AFAP1: variants seen among roughly 807,000 people sequenced by gnomAD.
The protein encoded by AFAP1 is actin filament associated protein 1.
In AFAP1, 75 loss-of-function variants were observed where a neutral mutation model predicts 93.9. That is an observed-to-expected ratio of 0.80 (90% confidence interval 0.66 to 0.97). The LOEUF (loss-of-function observed/expected upper bound fraction) is 0.97, where lower values mean the gene tolerates loss of function less well. Ranked by LOEUF, AFAP1 falls within the 50% of genes least tolerant of loss-of-function variation. AFAP1 has a pLI of 0.00. For missense variants in AFAP1, 1,201 were observed against 1,050.8 expected (o/e 1.14, Z -1.98); for synonymous variants, 517 against 430.7 (o/e 1.20, Z -2.48).
intron 1 of AFAP1, among the ~76,000 whole-genome samples, chr4:7,922,793 G>T (rs1720509010): frequency 6.6e-6 from 1 of 152,104 alleles, no homozygotes; most frequent in Non-Finnish European, 1.5e-5. Context: ...AAACCACTCT[G>T]GACAACACAG....
rs146133759 is a variant in AFAP1 at position 7,818,483 on chromosome 4, G to A, written c.822+593C>T. On this transcript the variant is annotated intron_variant, in intron 7 of 17. Coordinates refer to ENST00000420658, the MANE Select transcript of AFAP1 (RefSeq NM_001134647.2). ...CAGGGACACAAGCTGCCAACAGAAG[G>A]TTTCATGGCAGGAAGCCAGGGGTCT... is the stretch of plus-strand genomic sequence containing the variant. 1.6e-3 allele frequency among the ~76,000 whole-genome samples: 251 copies of A among 152,304 alleles called. 1 individual carries two copies. Among genetic ancestry groups the A allele is most frequent in the Non-Finnish European group, 5.7e-4 (39 of 68,030 alleles).
chr4:7,884,585 GA>G (rs1309975280), intron 1 of AFAP1, among the ~76,000 whole-genome samples: 1 of 152,092 alleles, frequency 6.6e-6, no homozygotes, highest in Non-Finnish European at 1.5e-5. Context: ...AGAAATATAA[GA>G]AAAATTGTCA....
intron 17 of AFAP1, among the ~76,000 whole-genome samples, chr4:7,766,681 G>A (rs777650593): frequency 1.6e-4 from 25 of 152,106 alleles, no homozygotes; most frequent in Non-Finnish European, 3.4e-4. Context: ...GCAGGGGCAC[G>A]AAACCTGGAG....
chr4:7,800,435 A>G lies in AFAP1; in HGVS notation c.1266+7T>C. 1 of 1,613,928 alleles carries G rather than the reference A, an allele frequency of 6.2e-7. No individual in the cohort carries two copies. The highest frequency in any genetic ancestry group is 8.5e-7 in the Non-Finnish European group (1 of 1,179,962). ...CTGTGGAGTACAGCCCCTGGGAAAT[A>G]TCCTACCTCCAATACTGCAACCTCC... On this transcript the variant is annotated splice_region_variant and intron_variant, in intron 10 of 17. Transcript: ENST00000420658.
intron 5 of AFAP1, among the ~76,000 whole-genome samples, chr4:7,841,895 T>A (rs769712083): frequency 8.5e-6 from 1 of 117,130 alleles, no homozygotes; most frequent in African/African-American, 3.3e-5. Context: ...AGTTAGGGGG[T>A]GAGGGAGAGG....
At chr4:7,855,108 T>C (rs1714898336) in intron 4 of AFAP1, among the ~76,000 whole-genome samples, 1 of 152,232 alleles carries the variant, frequency 6.6e-6, no homozygotes, top group East Asian at 1.9e-4. Context: ...CGTGGCAGAA[T>C]GGGTGCAGCC....
In AFAP1 at chr4:7,848,617, G is replaced by A. The variant is rs145971718; in HGVS notation, c.335-5267C>T. On this transcript the variant is annotated intron_variant, in intron 4 of 17. Coordinates refer to ENST00000420658, the MANE Select transcript of AFAP1 (RefSeq NM_001134647.2). The stretch of plus-strand genomic sequence containing the variant: ...GTTCTCTCTGGGCCTCCAGCCTATC[G>A]GATGGTACTGCCTACACTGAGGGTG... Among the ~76,000 whole-genome samples the A allele has an allele frequency of 3.4e-3, 515 of 152,244 alleles. 4 individuals are homozygous for A. The highest frequency in any genetic ancestry group is 4.2e-3 in the Non-Finnish European group (288 of 68,014).
chr4:7,800,741 G>A (rs1577225830), intron 9 of AFAP1, 88 bp from the exon 10 acceptor site: 1 of 1,291,006 alleles, frequency 7.7e-7, no homozygotes, highest in East Asian at 2.3e-5. Context: ...GAGGCCCAGG[G>A]ATGGGAGTGT....
At chr4:7,838,823 G>C in intron 5 of AFAP1, 120 bp from the exon 6 acceptor site, 10 of 1,008,896 alleles carry the variant, frequency 9.9e-6, no homozygotes, top group Non-Finnish European at 1.3e-5. Context: ...TGAATCTGCA[G>C]ATGAGCAGGT....
chr4:7,906,792 G>A (rs1023574603), intron 1 of AFAP1, among the ~76,000 whole-genome samples: 2 of 152,296 alleles, frequency 1.3e-5, no homozygotes, highest in East Asian at 1.9e-4. Context: ...AAGCCAAGGC[G>A]GGTGGATCAC....
chr4:7,919,633 AT>A (rs566988694), intron 1 of AFAP1, among the ~76,000 whole-genome samples: 1 of 151,150 alleles, frequency 6.6e-6, no homozygotes, highest in African/African-American at 2.4e-5. Context: ...TTAGTCTTTT[AT>A]TTTTTTTTAA....
At chr4:7,808,626 G>A (rs1719739298) in intron 9 of AFAP1, among the ~76,000 whole-genome samples, 2 of 152,170 alleles carry the variant, frequency 1.3e-5, no homozygotes, top group South Asian at 2.1e-4. Flanking sequence ...TCGGTCATTG[G>A]TATAGTTTGG....
chr4:7,821,109 A>G (rs1720935210), intron 6 of AFAP1, among the ~76,000 whole-genome samples: 2 of 152,018 alleles, frequency 1.3e-5, no homozygotes, highest in African/African-American at 2.4e-5. Flanking sequence ...CAAGAGTGAA[A>G]CTCCATCTCC....
Position 7,909,945 on chromosome 4 carries a change from G to A in AFAP1, c.-3+29711C>T, listed in dbSNP as rs191594068. 3.3e-5 allele frequency among the ~76,000 whole-genome samples: 5 copies of A among 152,204 alleles called. No homozygotes were observed. In the East Asian group the frequency reaches 5.8e-4, roughly 18 times the overall value. The stretch of plus-strand genomic sequence containing the variant: ...ATTGAGATGCTAAGCACTACGAATC[G>A]GGCTAAAACAAATCAGGCTCCACTC... On this transcript the variant is annotated intron_variant, in intron 1 of 17. Transcript: ENST00000420658.
At chr4:7,863,432 C>T (rs554619275) in intron 3 of AFAP1, among the ~76,000 whole-genome samples, 15 of 151,902 alleles carry the variant, frequency 9.9e-5, no homozygotes, top group South Asian at 4.2e-4. Context: ...AACGAAAGAA[C>T]GAAAGAAAGA....
chr4:7,823,236 G>A (rs959848619), intron 6 of AFAP1, among the ~76,000 whole-genome samples: 1 of 151,832 alleles, frequency 6.6e-6, no homozygotes, highest in Non-Finnish European at 1.5e-5. Context: ...CTTCGAAACA[G>A]CAACCAAAAG....
At chr4:7,901,806 A>AT (rs972523521) in intron 1 of AFAP1, among the ~76,000 whole-genome samples, 2 of 152,146 alleles carry the variant, frequency 1.3e-5, no homozygotes, top group African/African-American at 4.8e-5. Flanking sequence ...CTCAGACACA[A>AT]TTTTTTAAAA....
At chr4:7,931,221 G>T (rs1011740428) in intron 1 of AFAP1, among the ~76,000 whole-genome samples, 1 of 152,168 alleles carries the variant, frequency 6.6e-6, no homozygotes, top group Non-Finnish European at 1.5e-5. Context: ...AAGGAACAGG[G>T]ATCAGGGTGG....
intron 16 of AFAP1, among the ~76,000 whole-genome samples, chr4:7,769,310 G>A (rs1367920397): frequency 1.3e-5 from 2 of 152,136 alleles, no homozygotes; most frequent in African/African-American, 4.8e-5. Context: ...TTCAAAGCTG[G>A]GCTCTTGCAT....
Sources: gnomAD v4.1 joint callset for allele counts (sites outside exome capture counted in the v4.1 genomes callset) on GRCh38, gnomAD v4.1.1 for gene constraint, MANE v1.5 for transcripts, NCBI Gene and HGNC (gene_info 2026-07-23, HGNC 2026-07-21) for gene names.